Variants in GLTP observed in about 807,000 individuals in gnomAD.
GLTP encodes glycolipid transfer protein.
A neutral mutation model predicts 24.0 loss-of-function variants in GLTP; 22 were observed. The ratio of observed to expected loss-of-function variants is 0.92; its 90% CI spans 0.65 to 1.31. The LOEUF is 1.31. GLTP is among the 50% of genes most tolerant of loss of function. The pLI, the probability that GLTP is intolerant of heterozygous loss-of-function variation, is 0.00. For missense variants in GLTP, 224 were observed against 276.6 expected (o/e 0.81, Z 1.35); for synonymous variants, 92 against 115.9 (o/e 0.79, Z 1.33).
chr12:109,876,732 T>C (rs1868896661), intron 1 of GLTP, among the ~76,000 whole-genome samples: 1 of 148,260 alleles, frequency 6.7e-6, no homozygotes, highest in African/African-American at 2.6e-5. Flanking sequence ...GAAAAGATGG[T>C]TATGCTATAT....
rs370226587 is a variant in GLTP at position 109,857,543 on chromosome 12, C to T, written c.279G>A (p.Ala93=). 50 of 1,613,468 alleles carry T rather than the reference C, an allele frequency of 3.1e-5. No individual in the cohort carries two copies. In the African/African-American group the frequency reaches 3.9e-4, roughly 12 times the overall value. Residue 93 remains alanine, a synonymous_variant, in exon 3 of 5, where the codon GCG becomes GCA. Transcript: ENST00000318348. The surrounding 1 kb of genome is among the most constrained non-coding windows in gnomAD (Gnocchi z 4.3). ...AEWPKVGATL[A]LMWLKRGLRF... ...CCCATCACCTTTTCAGCCACATCAG[C>T]GCCAGTGTGGCCCCTACTTTGGGCC...
At chr12:109,874,921 G>A (rs1340713015) in intron 1 of GLTP, among the ~76,000 whole-genome samples, 5 of 152,010 alleles carry the variant, frequency 3.3e-5, no homozygotes, top group African/African-American at 7.2e-5. Context: ...TAACATGCCC[G>A]ACCAATTTTT....
At chr12:109,869,496 G>A (rs1339892869) in intron 1 of GLTP, among the ~76,000 whole-genome samples, 6 of 130,574 alleles carry the variant, frequency 4.6e-5, no homozygotes, top group Non-Finnish European at 7.8e-5. Flanking sequence ...TCACTCTGTC[G>A]CCAGGCTGGA....
chr12:109,866,382 A>G (rs1868529303), intron 1 of GLTP: 1 of 152,266 alleles, frequency 6.6e-6, no homozygotes, highest in Non-Finnish European at 1.5e-5. Context: ...CACCATATTG[A>G]TGCCAAACTT....
At chr12:109,878,662 A>G (rs1429924882) in intron 1 of GLTP, among the ~76,000 whole-genome samples, 1 of 152,186 alleles carries the variant, frequency 6.6e-6, no homozygotes. Flanking sequence ...TCAATGCTAG[A>G]GCTGGTTCGC....
At chr12:109,853,533 A>G (rs1296758399) in intron 4 of GLTP, among the ~76,000 whole-genome samples, 1 of 151,784 alleles carries the variant, frequency 6.6e-6, no homozygotes, top group Non-Finnish European at 1.5e-5. Context: ...TACTAAAAAT[A>G]CAAAAATTAG....
intron 1 of GLTP, among the ~76,000 whole-genome samples, chr12:109,873,021 G>C (rs1389660386): frequency 1.3e-5 from 2 of 152,084 alleles, no homozygotes; most frequent in Non-Finnish European, 2.9e-5. Context: ...TTTGAGTTTT[G>C]TTTTGTTTTG....
At chr12:109,871,438 C>T (rs950501383) in intron 1 of GLTP, among the ~76,000 whole-genome samples, 4 of 152,086 alleles carry the variant, frequency 2.6e-5, no homozygotes, top group South Asian at 2.1e-4. Context: ...TCATGCCAGC[C>T]GGGAACTTCC....
In GLTP at chr12:109,880,356, G is replaced by C; in HGVS notation, c.19C>G (p.His7Asp). MALLAE[H>D]LLKPLPADKQ... Reference sequence around the variant, plus strand: ...TCCGCGGGCAGCGGCTTCAGCAAGTGTTCGGCCAGCAGCGCCATTTCGGGG... The same window carrying C: ...TCCGCGGGCAGCGGCTTCAGCAAGTCTTCGGCCAGCAGCGCCATTTCGGGG... Residue 7 changes from histidine (H) to aspartate (D), a missense_variant, in exon 1 of 5, where the codon CAC becomes GAC. By Grantham distance (81) the His-to-Asp change is moderately conservative (BLOSUM62 -1). Coordinates refer to ENST00000318348, the MANE Select transcript of GLTP (RefSeq NM_016433.4). This position sits in a 1 kb window ranked among gnomAD's most constrained non-coding sequence, Gnocchi z 5.1. 1.9e-6 allele frequency: 3 copies of C among 1,596,878 alleles called. No homozygotes were observed. Among genetic ancestry groups the C allele is most frequent in the Non-Finnish European group, 2.6e-6 (3 of 1,173,764 alleles).
At chr12:109,860,064 C>T (rs11068643) in intron 1 of GLTP, 8,422 of 152,332 alleles carry the variant, frequency 0.055, 344 homozygotes, top group East Asian at 0.11. Context: ...CCGCAACCTC[C>T]GCCTCCCAGG....
intron 1 of GLTP, among the ~76,000 whole-genome samples, chr12:109,863,512 T>G (rs566351448): frequency 6.6e-6 from 1 of 152,164 alleles, no homozygotes; most frequent in South Asian, 2.1e-4. Context: ...AGTGAATGAA[T>G]GGACTGTGGG....
chr12:109,872,414 C>G (rs1868753843), intron 1 of GLTP, among the ~76,000 whole-genome samples: 1 of 152,182 alleles, frequency 6.6e-6, no homozygotes, highest in Non-Finnish European at 1.5e-5. Context: ...TCCTTCCACT[C>G]ATCTGTCCAC....
chr12:109,869,318 A>AAG (rs1381952046), intron 1 of GLTP, among the ~76,000 whole-genome samples: 2 of 132,828 alleles, frequency 1.5e-5, no homozygotes, highest in African/African-American at 2.8e-5. Context: ...AAAAAAAAAA[A>AAG]AAGAAAGAAA....
In GLTP at chr12:109,855,263, GA is replaced by G. The variant is rs1460858475; in HGVS notation, c.447+355del. 1.3e-5 allele frequency among the ~76,000 whole-genome samples: 2 copies of G among 152,202 alleles called. No individual in the cohort carries two copies. Among genetic ancestry groups the G allele is most frequent in the African/African-American group, 4.8e-5 (2 of 41,456 alleles). On this transcript the variant is annotated intron_variant, in intron 4 of 4. Coordinates refer to ENST00000318348, the MANE Select transcript of GLTP (RefSeq NM_016433.4). The surrounding 1 kb of genome is among the most constrained non-coding windows in gnomAD (Gnocchi z 4.1). ...GAGCTGAATTTGAGGGGTCGAATTG[GA>G]GGGGTAAATTTGAGGGGCCATCAGG...
rs781162261 is a variant in GLTP, at chr12:109,857,719, G to A, written c.163-60C>T. On this transcript the variant is annotated intron_variant, in intron 2 of 4. Coordinates refer to ENST00000318348, the MANE Select transcript of GLTP (RefSeq NM_016433.4). This position sits in a 1 kb window ranked among gnomAD's most constrained non-coding sequence, Gnocchi z 4.3. ...AGCTGCCCCCATAGACATCTGGCCC[G>A]CACGCTGGGTGAAAAGCACCCTACC... 2.7e-5 allele frequency: 43 copies of A among 1,582,618 alleles called. No homozygotes were observed. The highest frequency in any genetic ancestry group is 3.5e-5 in the Non-Finnish European group (40 of 1,151,632).
At position 109,868,162 on chromosome 12, in the gene GLTP, G is replaced by A. The variant is rs1026871620; in HGVS notation, c.104-9421C>T. Among the ~76,000 whole-genome samples, 8 of 152,298 alleles carry A rather than the reference G, an allele frequency of 5.3e-5. No individual in the cohort carries two copies. In the South Asian group the frequency reaches 6.2e-4, roughly 12 times the overall value. ...TGAGACTACAGACACATGTCACTACGACCAGCTAATTTTTTGTTTTTAATT... is the reference window on the plus strand; with the variant it reads ...TGAGACTACAGACACATGTCACTACAACCAGCTAATTTTTTGTTTTTAATT... On this transcript the variant is annotated intron_variant, in intron 1 of 4. Transcript: ENST00000318348.
rs11838280 is a variant in GLTP at position 109,855,044 on chromosome 12, C to T, written c.447+575G>A. 0.082 allele frequency among the ~76,000 whole-genome samples: 12,442 copies of T among 152,246 alleles called. 535 individuals are homozygous for T. Among genetic ancestry groups the T allele is most frequent in the Middle Eastern group, 0.13 (37 of 294 alleles). The stretch of plus-strand genomic sequence containing the variant: ...AGCAAGCAGCAGGTGAAGGGCATGG[C>T]GCAGGGCAGCCGGAGGGCCTTCGCA... On this transcript the variant is annotated intron_variant, in intron 4 of 4. Coordinates refer to ENST00000318348, the MANE Select transcript of GLTP (RefSeq NM_016433.4). The surrounding 1 kb of genome is among the most constrained non-coding windows in gnomAD (Gnocchi z 4.1).
rs760766596 is a variant in GLTP at position 109,880,343 on chromosome 12, G to A, written c.32C>T (p.Pro11Leu). ...CTCGATCTGCTTGTCCGCGGGCAGC[G>A]GCTTCAGCAAGTGTTCGGCCAGCAG... The part of the protein sequence containing the change: MALLAEHLLK[P>L]LPADKQIETG... Residue 11 changes from proline (P) to leucine (L), a missense_variant, in exon 1 of 5, where the codon CCG becomes CTG. Coordinates refer to ENST00000318348, the MANE Select transcript of GLTP (RefSeq NM_016433.4). This position sits in a 1 kb window ranked among gnomAD's most constrained non-coding sequence, Gnocchi z 5.1. The A allele has an allele frequency of 1.9e-6, 3 of 1,603,536 alleles. No individual in the cohort carries two copies. The highest frequency in any genetic ancestry group is 2.5e-6 in the Non-Finnish European group (3 of 1,176,820).
At position 109,858,694 on chromosome 12, in the gene GLTP, C is replaced by T. The variant is rs756596529; in HGVS notation, c.151G>A (p.Gly51Ser). The T allele has an allele frequency of 1.2e-4, 190 of 1,612,652 alleles. No homozygotes were observed. Among genetic ancestry groups the T allele is most frequent in the Non-Finnish European group, 1.5e-4 (176 of 1,178,846 alleles). The change falls in exon 2 of 5, where the codon GGC becomes AGC. Residue 51 changes from glycine (G) to serine (S), a missense_variant. Coordinates refer to ENST00000318348, the MANE Select transcript of GLTP (RefSeq NM_016433.4). ...VFTPIKADIS[G>S]NITKIKAVYD... is the part of the protein sequence containing the mutation. Reference sequence around the variant, plus strand: ...GGCCAGGTACATACCGTGATGTTGCCGCTTATGTCTGCCTTGATGGGAGTA... The same window carrying T: ...GGCCAGGTACATACCGTGATGTTGCTGCTTATGTCTGCCTTGATGGGAGTA...
Sources: allele counts gnomAD v4.1 joint callset (sites outside exome capture counted in the v4.1 genomes callset), GRCh38; gene constraint gnomAD v4.1.1; non-coding constraint Gnocchi (gnomAD v3.1); transcripts MANE v1.5; gene names NCBI Gene and HGNC (gene_info 2026-07-23, HGNC 2026-07-21).